Variants in DIP2C observed in about 807,000 individuals in gnomAD.
The protein encoded by DIP2C is DIP2 acetate--CoA ligase C (putative).
A neutral mutation model predicts 192.4 loss-of-function variants in DIP2C; 33 were observed. That is an observed-to-expected ratio of 0.17 (90% CI 0.13 to 0.23). DIP2C has a LOEUF of 0.23. Among genes scored for constraint, DIP2C ranks in the 10% least tolerant of loss-of-function variants. The pLI, the probability that DIP2C is intolerant of heterozygous loss-of-function variation, is 1.00. For missense variants in DIP2C, 1,537 were observed against 2,110.1 expected, an observed-to-expected ratio of 0.73 and a Z score of 5.32; for synonymous variants, 979 against 864.1, an observed-to-expected ratio of 1.13 and a Z score of -2.33.
At chr10:595,086 C>T (rs1851627842) in intron 1 of DIP2C, among the ~76,000 whole-genome samples, 1 of 152,206 alleles carries the variant, frequency 6.6e-6, no homozygotes, top group African/African-American at 2.4e-5. Context: ...TGGCATCAGC[C>T]TCCTGGGCAC....
At chr10:496,067 T>A (rs1426939902) in intron 1 of DIP2C, among the ~76,000 whole-genome samples, 22 of 99,860 alleles carry the variant, frequency 2.2e-4, no homozygotes, top group African/African-American at 5.3e-4. Flanking sequence ...CCCAAACAAC[T>A]TGAGTGCTGA....
At chr10:335,882 T>C (rs902102390) in intron 29 of DIP2C, among the ~76,000 whole-genome samples, 2 of 152,200 alleles carry the variant, frequency 1.3e-5, no homozygotes, top group African/African-American at 4.8e-5. Flanking sequence ...CCTATTTTAC[T>C]CAAAGTGTTA....
intron 2 of DIP2C, among the ~76,000 whole-genome samples, chr10:473,334 G>A (rs1006461176): frequency 5.3e-5 from 8 of 152,148 alleles, no homozygotes; most frequent in African/African-American, 1.9e-4. Flanking sequence ...CTGACACCAC[G>A]GGAACAATAT....
chr10:526,772 C>T (rs1311636420), intron 1 of DIP2C, among the ~76,000 whole-genome samples: 1 of 152,166 alleles, frequency 6.6e-6, no homozygotes, highest in Non-Finnish European at 1.5e-5. Context: ...GCATTCATGC[C>T]TCAGCACTGT....
At position 583,853 on chromosome 10, in the gene DIP2C, G is replaced by A. The variant is rs570530321; in HGVS notation, c.86-97323C>T. Among the ~76,000 whole-genome samples, 4 of 152,290 alleles carry A rather than the reference G, an allele frequency of 2.6e-5. No homozygotes were observed. The South Asian group carries it at 8.3e-4, about 32-fold the overall frequency. On this transcript the variant is annotated intron_variant, in intron 1 of 36. Coordinates refer to ENST00000280886, the MANE Select transcript of DIP2C (RefSeq NM_014974.3). ...AGCCAAAAACATGGAAGACCTGAGGGCCCACACTGACCACAGCCAGACGCC... is the reference window on the plus strand; with the variant it reads ...AGCCAAAAACATGGAAGACCTGAGGACCCACACTGACCACAGCCAGACGCC...
At chr10:349,888 CAAGG>C (rs1201206831) in intron 24 of DIP2C, among the ~76,000 whole-genome samples, 2 of 152,106 alleles carry the variant, frequency 1.3e-5, no homozygotes, top group Non-Finnish European at 2.9e-5. Context: ...CATCAAAAAT[CAAGG>C]AAGTCAGAAA....
In DIP2C at chr10:422,876, C is replaced by T. The variant is rs1188329206; in HGVS notation, c.552G>A (p.Gly184=). Residue 184 remains glycine (G), a synonymous_variant, in exon 5 of 37, where the codon GGG becomes GGA. Transcript: ENST00000280886. Reference sequence around the variant, plus strand: ...CCAGCCTGTGGGCAGCCCCGCTGCCCCCGCTCTGCGTAGAGGACGAGGAGG... The same window carrying T: ...CCAGCCTGTGGGCAGCCCCGCTGCCTCCGCTCTGCGTAGAGGACGAGGAGG... ...STTSSSSTQS[G]GSGAAHRLAD... 1 of 1,613,342 alleles carries T rather than the reference C, an allele frequency of 6.2e-7. No homozygotes were observed. Among genetic ancestry groups the T allele is most frequent in the African/African-American group, 1.3e-5 (1 of 74,932 alleles).
intron 1 of DIP2C, among the ~76,000 whole-genome samples, chr10:507,149 G>T (rs1272390356): frequency 6.6e-6 from 1 of 151,352 alleles, no homozygotes; most frequent in Admixed American, 6.6e-5. Context: ...TGCAGTCAGA[G>T]CCATGCGACG....
At chr10:412,411 G>A (rs999874574) in intron 8 of DIP2C, among the ~76,000 whole-genome samples, 1 of 152,200 alleles carries the variant, frequency 6.6e-6, no homozygotes. Context: ...ATTAGCTCCA[G>A]GGCTGAATTT....
At chr10:550,684 A>G (rs1349051065) in intron 1 of DIP2C, among the ~76,000 whole-genome samples, 2 of 152,128 alleles carry the variant, frequency 1.3e-5, no homozygotes, top group African/African-American at 4.8e-5. Context: ...CTGTAAAATC[A>G]GGTGGAGAAA....
Position 660,079 on chromosome 10 carries a change from G to A in DIP2C, c.85+29415C>T, listed in dbSNP as rs186613729. Among the ~76,000 whole-genome samples the A allele has an allele frequency of 3.3e-5, 5 of 152,394 alleles. No homozygotes were observed. In the East Asian group the frequency reaches 9.6e-4, roughly 29 times the overall value. On this transcript the variant is annotated intron_variant, in intron 1 of 36. Transcript: ENST00000280886. ...GACAGAAACAGACGTCAGCAGAGCA[G>A]GTCGCTCAGCCCAGTTCAGCTCTGT...
At chr10:485,122 C>T (rs904340050) in intron 2 of DIP2C, among the ~76,000 whole-genome samples, 1 of 152,246 alleles carries the variant, frequency 6.6e-6, no homozygotes, top group African/African-American at 2.4e-5. Context: ...GCGGGAGGCA[C>T]GGTGCGCTGG....
intron 3 of DIP2C, among the ~76,000 whole-genome samples, chr10:456,606 A>C (rs1969320230): frequency 1.3e-5 from 2 of 152,336 alleles, no homozygotes; most frequent in South Asian, 2.1e-4. Flanking sequence ...GACAGAGAAG[A>C]AAGCCAAGCC....
At chr10:357,447 A>AC (rs1959135677) in intron 23 of DIP2C, among the ~76,000 whole-genome samples, 2 of 152,226 alleles carry the variant, frequency 1.3e-5, no homozygotes, top group Non-Finnish European at 2.9e-5. Context: ...CGTGCGCGGG[A>AC]CAAGGACTGC....
chr10:562,907 C>A (rs950611585), intron 1 of DIP2C, among the ~76,000 whole-genome samples: 1 of 152,226 alleles, frequency 6.6e-6, no homozygotes, highest in Non-Finnish European at 1.5e-5. Context: ...ACAAGCCTGG[C>A]TGCTTAAAAG....
intron 1 of DIP2C, among the ~76,000 whole-genome samples, chr10:607,347 A>C (rs568217667): frequency 6.6e-6 from 1 of 152,268 alleles, no homozygotes; most frequent in South Asian, 2.1e-4. Flanking sequence ...GAAGGCACAG[A>C]CTTCATTATC....
chr10:631,946 C>T (rs1446156819), intron 1 of DIP2C, among the ~76,000 whole-genome samples: 2 of 152,236 alleles, frequency 1.3e-5, no homozygotes, highest in Non-Finnish European at 2.9e-5. Context: ...CTGTAACCCA[C>T]ATGCTGATAA....
At position 274,558 on chromosome 10, in the gene DIP2C, A is replaced by C. The variant is rs1271840285; in HGVS notation, c.*2767T>G. 1 of 152,196 alleles carries C rather than the reference A, an allele frequency of 6.6e-6. No homozygotes were observed. The highest frequency in any genetic ancestry group is 1.5e-5 in the Non-Finnish European group (1 of 68,032). 9.4% of individuals were successfully genotyped at this position (152,196 alleles called of 1,614,324 possible). On this transcript the variant is annotated 3_prime_UTR_variant, in exon 37 of 37. Transcript: ENST00000280886. ...GCGTACTGGTGGTTTAACATACAAG[A>C]AGGTTGCTGTCCTTTGCACATAAAA...
chr10:285,772 A>C (rs1215638497), intron 34 of DIP2C, among the ~76,000 whole-genome samples: 1 of 152,264 alleles, frequency 6.6e-6, no homozygotes, highest in Non-Finnish European at 1.5e-5. Flanking sequence ...GTTAAGAGCC[A>C]GCCAGGGCGG....
Sources: allele counts gnomAD v4.1 joint callset (sites outside exome capture counted in the v4.1 genomes callset), GRCh38; gene constraint gnomAD v4.1.1; transcripts MANE v1.5; gene names NCBI Gene and HGNC (gene_info 2026-07-23, HGNC 2026-07-21).